The following CDH13 variants were observed in gnomAD, a reference collection of about 807,000 sequenced individuals.
CDH13 encodes cadherin-13.
Under a neutral mutation model 63.8 loss-of-function variants are expected in CDH13, and 24 were observed. The observed-to-expected ratio is 0.38, with a 90% CI of 0.27 to 0.53. The LOEUF is 0.53. CDH13 is among the 20% of genes least tolerant of loss of function. The probability of loss-of-function intolerance (pLI) is 0.85; values close to 1 mark genes in which losing one functional copy is unlikely to be tolerated. For synonymous variants in CDH13, 503 were observed against 355.3 expected, an observed-to-expected ratio of 1.42 and a Z score of -4.67; for missense variants, 1,049 against 903.1, an observed-to-expected ratio of 1.16 and a Z score of -2.07.
At chr16:83,447,067 AAAAAAAAC>A (rs1567678629) in intron 6 of CDH13, among the ~76,000 whole-genome samples, 2 of 138,192 alleles carry the variant, frequency 1.4e-5, no homozygotes, top group South Asian at 2.2e-4. Flanking sequence ...AAAAAAAAAA[AAAAAAAAC>A]AAAAAACACC....
chr16:83,291,193 T>C (rs1359552060), intron 5 of CDH13, among the ~76,000 whole-genome samples: 1 of 152,222 alleles, frequency 6.6e-6, no homozygotes, highest in Non-Finnish European at 1.5e-5. Context: ...GAAGAATTAA[T>C]GGATAAGTGG....
chr16:82,797,454 A>C (rs2036637983), intron 1 of CDH13, among the ~76,000 whole-genome samples: 1 of 152,116 alleles, frequency 6.6e-6, no homozygotes, highest in African/African-American at 2.4e-5. Flanking sequence ...CTAATTCATC[A>C]CTGCCTTCCT....
chr16:83,790,751 A>G (rs941770089), intron 13 of CDH13, among the ~76,000 whole-genome samples: 2 of 152,074 alleles, frequency 1.3e-5, no homozygotes, highest in Non-Finnish European at 2.9e-5. Flanking sequence ...GTGGATGTGT[A>G]ATTCTTCCCC....
intron 4 of CDH13, among the ~76,000 whole-genome samples, chr16:83,192,280 G>C (rs978741390): frequency 6.6e-6 from 1 of 152,158 alleles, no homozygotes; most frequent in Non-Finnish European, 1.5e-5. Context: ...GTATTCAGCA[G>C]GTAACTACGT....
At chr16:82,636,926 TG>T (rs1417308378) in intron 1 of CDH13, among the ~76,000 whole-genome samples, 7 of 152,212 alleles carry the variant, frequency 4.6e-5, no homozygotes, top group Non-Finnish European at 1.5e-5. Context: ...ACCATGGACC[TG>T]GATCCTGTTT....
intron 7 of CDH13, among the ~76,000 whole-genome samples, chr16:83,512,396 C>T (rs968373792): frequency 1.3e-5 from 2 of 149,228 alleles, no homozygotes; most frequent in African/African-American, 2.5e-5. Flanking sequence ...AAGGGCTGGG[C>T]GTGGTGGCTC....
At chr16:83,014,743 A>AAAAAAT (rs1429094653) in intron 2 of CDH13, among the ~76,000 whole-genome samples, 4 of 33,224 alleles carry the variant, frequency 1.2e-4, no homozygotes, top group African/African-American at 3.7e-4. Context: ...AAAAAAAAAA[A>AAAAAAT]ATATATATAT....
chr16:83,115,565 A>G (rs1038726287), intron 3 of CDH13, among the ~76,000 whole-genome samples: 4 of 152,348 alleles, frequency 2.6e-5, no homozygotes, highest in African/African-American at 7.2e-5. Context: ...AAGGCTCGCT[A>G]TTGCCTTGGA....
chr16:83,428,480 G>A (rs1159457828), intron 6 of CDH13, among the ~76,000 whole-genome samples: 1 of 151,870 alleles, frequency 6.6e-6, no homozygotes, highest in Admixed American at 6.5e-5. Flanking sequence ...ATAGGATTCT[G>A]CTTTTGAAAA....
At chr16:83,686,988 T>G (rs1317467240) in intron 10 of CDH13, among the ~76,000 whole-genome samples, 1 of 152,134 alleles carries the variant, frequency 6.6e-6, no homozygotes, top group Non-Finnish European at 1.5e-5. Context: ...GGTGGGCAGA[T>G]CATTTGAGGT....
rs746904500 is a variant in CDH13 at position 83,000,223 on chromosome 16, ATTTTTTTTTTTTTTTTTTTTTT to A, written c.158-31767_158-31746del. 3.0e-3 allele frequency among the ~76,000 whole-genome samples: 111 copies of A among 37,038 alleles called. 1 individual carries two copies. In the South Asian group the frequency reaches 0.079, roughly 26 times the overall value. 24.3% of individuals were successfully genotyped at this position (37,038 alleles called of 152,430 possible). A position where few individuals can be genotyped will look rare whatever the true frequency, so the allele number is the denominator to read the frequency against. ...CTAGGAATATCCACAGGTTTAGCTTATTTTTTTTTTTTTTTTTTTTTTTTTTTTTTTTTTTTTTTTTGAGACA... is the reference window on the plus strand; with the variant it reads ...CTAGGAATATCCACAGGTTTAGCTTATTTTTTTTTTTTTTTTTTTGAGACA... On this transcript the variant is annotated intron_variant, in intron 2 of 13. Coordinates refer to ENST00000567109, the MANE Select transcript of CDH13 (RefSeq NM_001257.5).
At chr16:83,526,316 A>G (rs1450827762) in intron 7 of CDH13, among the ~76,000 whole-genome samples, 2 of 152,192 alleles carry the variant, frequency 1.3e-5, no homozygotes, top group African/African-American at 2.4e-5. Flanking sequence ...TGTAGCCTCA[A>G]TCAATAGTCC....
chr16:82,705,272 C>G (rs550809603), intron 1 of CDH13: 2 of 415,918 alleles, frequency 4.8e-6, no homozygotes, highest in African/African-American at 4.1e-5. Flanking sequence ...CCACGTTGGA[C>G]AGGTGAGATG....
At position 83,096,970 on chromosome 16, in the gene CDH13, T is replaced by C. The variant is rs556456822; in HGVS notation, c.367-28415T>C. Among the ~76,000 whole-genome samples the C allele has an allele frequency of 2.0e-5, 3 of 152,290 alleles. 1 individual carries two copies. The highest frequency in any genetic ancestry group is 6.5e-5 in the Admixed American group (1 of 15,282). ...CTGAGCACGGTTGAAAATAAAAATA[T>C]CTTGGTCCTGTCCTTTGAATAATGT... On this transcript the variant is annotated intron_variant, in intron 3 of 13. Transcript: ENST00000567109.
intron 2 of CDH13, among the ~76,000 whole-genome samples, chr16:82,896,061 C>T (rs1403371417): frequency 6.6e-6 from 1 of 152,140 alleles, no homozygotes; most frequent in Non-Finnish European, 1.5e-5. Flanking sequence ...TTTAAGGCAT[C>T]ACCCTGTTTT....
intron 11 of CDH13, among the ~76,000 whole-genome samples, chr16:83,771,491 T>C (rs1400452923): frequency 6.6e-6 from 1 of 152,160 alleles, no homozygotes; most frequent in Non-Finnish European, 1.5e-5. Flanking sequence ...CAAGCAGAGG[T>C]TGAATGCCAG....
intron 6 of CDH13, among the ~76,000 whole-genome samples, chr16:83,345,466 G>A (rs2090820192): frequency 6.6e-6 from 1 of 152,210 alleles, no homozygotes; most frequent in Non-Finnish European, 1.5e-5. Context: ...AGATGTGCAT[G>A]AAGAAATCTT....
intron 1 of CDH13, among the ~76,000 whole-genome samples, chr16:82,696,526 C>T (rs1388263849): frequency 6.6e-6 from 1 of 152,030 alleles, no homozygotes; most frequent in Admixed American, 6.6e-5. Flanking sequence ...TTGATGGCAG[C>T]AAATATGTAA....
intron 4 of CDH13, among the ~76,000 whole-genome samples, chr16:83,202,200 C>G (rs2039052474): frequency 6.6e-6 from 1 of 152,148 alleles, no homozygotes; most frequent in Admixed American, 6.5e-5. Context: ...CCAGGCTCAG[C>G]TTTGGATAGG....
Sources: gnomAD v4.1 joint callset for allele counts (sites outside exome capture counted in the v4.1 genomes callset) on GRCh38, gnomAD v4.1.1 for gene constraint, MANE v1.5 for transcripts, NCBI Gene and HGNC (gene_info 2026-07-23, HGNC 2026-07-21) for gene names.